The following SIAH3 variants were observed in gnomAD, a reference collection of about 807,000 sequenced individuals.
SIAH3 encodes the protein siah E3 ubiquitin protein ligase family member 3.
SIAH3 carries 9 observed loss-of-function variants against 12.6 expected under a neutral mutation model. The ratio of observed to expected loss-of-function variants is 0.72; its 90% CI spans 0.43 to 1.25. SIAH3 has a LOEUF of 1.25. Ranked by LOEUF, SIAH3 falls within the 50% of genes most tolerant of loss-of-function variation. SIAH3 has a pLI of 0.00. For missense variants in SIAH3, 390 were observed against 365.4 expected (o/e 1.07, Z -0.55); for synonymous variants, 154 against 151.1 (o/e 1.02, Z -0.14).
At position 45,851,644 on chromosome 13, in the gene SIAH3, G is replaced by A. The variant is rs530790004; in HGVS notation, c.-15C>T. ...AAGAAAAGCATCACAACTTTTGGGG[G>A]GTTGTTGGTCCGGGAAGGCAGCGGA... On this transcript the variant is annotated 5_prime_UTR_variant, in exon 1 of 2. Coordinates refer to ENST00000400405, the MANE Select transcript of SIAH3 (RefSeq NM_198849.3). The A allele has an allele frequency of 1.2e-6, 2 of 1,614,104 alleles. No homozygotes were observed. Among genetic ancestry groups the A allele is most frequent in the East Asian group, 2.2e-5 (1 of 44,882 alleles).
rs1433977860 is a variant in SIAH3 at position 45,782,843 on chromosome 13, G to C, written c.*540C>G. On this transcript the variant is annotated 3_prime_UTR_variant, in exon 2 of 2. Transcript: ENST00000400405. ...GATCTCCTCATGCCCGGCTAGCTCAGCTTTGACCTTGAGGTTCCTGGGAAG... is the reference window on the plus strand; with the variant it reads ...GATCTCCTCATGCCCGGCTAGCTCACCTTTGACCTTGAGGTTCCTGGGAAG... 6.6e-6 allele frequency: 1 copy of C among 152,520 alleles called. No individual in the cohort carries two copies. The highest frequency in any genetic ancestry group is 1.5e-5 in the Non-Finnish European group (1 of 68,358). The allele number at this position is 152,520 out of a possible 1,614,324, so 9.4% of individuals were successfully genotyped here. A position where few individuals can be genotyped will look rare whatever the true frequency, so the allele number is the denominator to read the frequency against.
intron 1 of SIAH3, among the ~76,000 whole-genome samples, chr13:45,803,403 A>G (rs535470732): frequency 6.6e-6 from 1 of 152,328 alleles, no homozygotes; most frequent in African/African-American, 2.4e-5. Context: ...TGGAAAATAG[A>G]CAACTACAAG....
intron 1 of SIAH3, among the ~76,000 whole-genome samples, chr13:45,837,795 A>G (rs1950724094): frequency 1.3e-5 from 2 of 152,208 alleles, no homozygotes; most frequent in African/African-American, 4.8e-5. Flanking sequence ...TGATTAAGTA[A>G]CTTGCCAAGC....
At chr13:45,849,130 C>T (rs1219636855) in intron 1 of SIAH3, among the ~76,000 whole-genome samples, 1 of 152,180 alleles carries the variant, frequency 6.6e-6, no homozygotes, top group Non-Finnish European at 1.5e-5. Flanking sequence ...ACCTGATGGG[C>T]CACCTGGACC....
In SIAH3 at chr13:45,778,912, C is replaced by G. The variant is rs1452775525; in HGVS notation, c.*4471G>C. On this transcript the variant is annotated 3_prime_UTR_variant, in exon 2 of 2. Coordinates refer to ENST00000400405, the MANE Select transcript of SIAH3 (RefSeq NM_198849.3). Reference sequence around the variant, plus strand: ...TGCCGTTTTATATAAGGGACTTGAGCATCTTCAGATTTTAGTGTCCACGAG... The same window carrying G: ...TGCCGTTTTATATAAGGGACTTGAGGATCTTCAGATTTTAGTGTCCACGAG... 4 of 152,158 alleles carry G rather than the reference C, an allele frequency of 2.6e-5. No homozygotes were observed. In the East Asian group the frequency reaches 7.7e-4, roughly 29 times the overall value. 9.4% of individuals were successfully genotyped at this position (152,158 alleles called of 1,614,324 possible).
intron 1 of SIAH3, among the ~76,000 whole-genome samples, chr13:45,842,062 GC>G (rs1489023130): frequency 6.6e-6 from 1 of 152,196 alleles, no homozygotes; most frequent in Non-Finnish European, 1.5e-5. Flanking sequence ...TGTTAGACCG[GC>G]TCCTTAAACT....
intron 1 of SIAH3, among the ~76,000 whole-genome samples, chr13:45,839,104 C>A (rs867604118): frequency 5.3e-4 from 81 of 152,126 alleles, no homozygotes; most frequent in Admixed American, 3.7e-3. Context: ...AGTATGGCCG[C>A]TAATGAGAAA....
intron 1 of SIAH3, among the ~76,000 whole-genome samples, chr13:45,807,982 T>C (rs1490372068): frequency 6.6e-6 from 1 of 152,218 alleles, no homozygotes; most frequent in African/African-American, 2.4e-5. Context: ...CTATTAAATG[T>C]GTTCTTGAGG....
rs1303114509 is a variant in SIAH3, at chr13:45,783,040, G to A, written c.*343C>T. 1 of 160,792 alleles carries A rather than the reference G, an allele frequency of 6.2e-6. No individual in the cohort carries two copies. Among genetic ancestry groups the A allele is most frequent in the African/African-American group, 2.4e-5 (1 of 41,790 alleles). 10.0% of individuals were successfully genotyped at this position (160,792 alleles called of 1,614,324 possible). On this transcript the variant is annotated 3_prime_UTR_variant, in exon 2 of 2. Transcript: ENST00000400405. Reference sequence around the variant, plus strand: ...TCCTTTCAACCCCAACAGTCTGCTTGATGGTGTTTTGATCCTTTCAAAACT... The same window carrying A: ...TCCTTTCAACCCCAACAGTCTGCTTAATGGTGTTTTGATCCTTTCAAAACT...
At chr13:45,784,179 C>G (rs553635246) in intron 1 of SIAH3, 122 bp from the exon 2 acceptor site, 1 of 934,616 alleles carries the variant, frequency 1.1e-6, no homozygotes, top group Admixed American at 2.6e-5. Context: ...AGGTTCATTT[C>G]TTAAACAACA....
chr13:45,795,086 T>C (rs1950558117), intron 1 of SIAH3, among the ~76,000 whole-genome samples: 1 of 152,190 alleles, frequency 6.6e-6, no homozygotes, highest in Admixed American at 6.5e-5. Context: ...TGAGAGCTCA[T>C]CTTTAAAAAT....
chr13:45,810,302 T>C (rs1950612033), intron 1 of SIAH3, among the ~76,000 whole-genome samples: 1 of 152,178 alleles, frequency 6.6e-6, no homozygotes, highest in African/African-American at 2.4e-5. Context: ...GAAGTCCTGT[T>C]CAGCACCAGT....
At position 45,777,722 on chromosome 13, in the gene SIAH3, C is replaced by T. The variant is rs940336179; in HGVS notation, c.*5661G>A. 3 of 152,230 alleles carry T rather than the reference C, an allele frequency of 2.0e-5. No individual in the cohort carries two copies. Among genetic ancestry groups the T allele is most frequent in the African/African-American group, 7.2e-5 (3 of 41,456 alleles). 9.4% of individuals were successfully genotyped at this position (152,230 alleles called of 1,614,324 possible). ...AACAATCTGACTAGGAGACGCCACT[C>T]ATGATGCTATTTGCAGCTGAACCTC... is the stretch of plus-strand genomic sequence containing the variant. On this transcript the variant is annotated 3_prime_UTR_variant, in exon 2 of 2. Transcript: ENST00000400405.
At position 45,783,947 on chromosome 13, in the gene SIAH3, G is replaced by A; in HGVS notation, c.246C>T (p.Arg82=). 1 of 1,606,916 alleles carries A rather than the reference G, an allele frequency of 6.2e-7. No homozygotes were observed. Among genetic ancestry groups the A allele is most frequent in the South Asian group, 1.1e-5 (1 of 89,302 alleles). Residue 82 remains arginine, a synonymous_variant, in exon 2 of 2, where the codon CGC becomes CGT. Coordinates refer to ENST00000400405, the MANE Select transcript of SIAH3 (RefSeq NM_198849.3). ...HCHHRHHHHL[R]HHAHPHHLHH... ...GAAGGTGGTGGGGGTGGGCGTGGTG[G>A]CGGAGGTGGTGGTGGTGGCGGTGGT...
chr13:45,837,349 C>G (rs1950721344), intron 1 of SIAH3, among the ~76,000 whole-genome samples: 2 of 152,146 alleles, frequency 1.3e-5, no homozygotes, highest in Non-Finnish European at 2.9e-5. Context: ...ATTTCAAACT[C>G]TTTCTCATTC....
intron 1 of SIAH3, among the ~76,000 whole-genome samples, chr13:45,847,961 G>C (rs1346448659): frequency 6.6e-6 from 1 of 152,138 alleles, no homozygotes; most frequent in African/African-American, 2.4e-5. Flanking sequence ...CACCTCTGCA[G>C]ATGGGGCAAA....
chr13:45,796,436 G>A (rs1388299535), intron 1 of SIAH3, among the ~76,000 whole-genome samples: 8 of 152,166 alleles, frequency 5.3e-5, no homozygotes, highest in South Asian at 2.1e-4. Flanking sequence ...GGTTGCCTGC[G>A]ATACCAGTAG....
rs1390765448 is a variant in SIAH3, at chr13:45,783,967, G to C, written c.226C>G (p.Arg76Gly). The change falls in exon 2 of 2, where the codon CGC becomes GGC. Residue 76 changes from arginine to glycine, a missense_variant. Transcript: ENST00000400405. ...TGGTGGCGGAGGTGGTGGTGGTGGCGGTGGTGGCAGTGGTGGTGGGAGAGA... is the reference window on the plus strand; with the variant it reads ...TGGTGGCGGAGGTGGTGGTGGTGGCCGTGGTGGCAGTGGTGGTGGGAGAGA... ...HHLSHHHCHH[R>G]HHHHLRHHAH... 9 of 1,606,020 alleles carry C rather than the reference G, an allele frequency of 5.6e-6. No individual in the cohort carries two copies. Among genetic ancestry groups the C allele is most frequent in the Admixed American group, 1.7e-5 (1 of 59,672 alleles).
At chr13:45,804,963 AACACACACACACACACACACACACAC>A (rs56315825) in intron 1 of SIAH3, among the ~76,000 whole-genome samples, 1 of 135,836 alleles carries the variant, frequency 7.4e-6, no homozygotes, top group Non-Finnish European at 1.6e-5. Context: ...TCCCATTTAT[AACACACACACACACACACACACACAC>A]ACACACACAC....
Sources: gnomAD v4.1 joint callset for allele counts (sites outside exome capture counted in the v4.1 genomes callset) on GRCh38, gnomAD v4.1.1 for gene constraint, MANE v1.5 for transcripts, NCBI Gene and HGNC (gene_info 2026-07-23, HGNC 2026-07-21) for gene names.